Variants in SLCO4C1 observed in about 807,000 individuals in gnomAD.
SLCO4C1 encodes the protein organic anion transporter M1.
SLCO4C1 carries 58 observed loss-of-function variants against 72.1 expected under a neutral mutation model. The observed-to-expected ratio is 0.80, with a 90% CI of 0.65 to 1.00. The LOEUF is 1.00. Ranked by LOEUF, SLCO4C1 falls within the 50% of genes least tolerant of loss-of-function variation. SLCO4C1 has a pLI of 0.00. For synonymous variants in SLCO4C1, 297 were observed against 312.5 expected (o/e 0.95, Z 0.52); for missense variants, 898 against 857.9 (o/e 1.05, Z -0.58).
At position 102,281,443 on chromosome 5, in the gene SLCO4C1, C is replaced by T. The variant is rs186305608; in HGVS notation, c.619+9900G>A. Reference sequence around the variant, plus strand: ...TATAAAAGGAAAAAACTGATAAATTCGACTTTATTTAAATTGAAAATTTTC... The same window carrying T: ...TATAAAAGGAAAAAACTGATAAATTTGACTTTATTTAAATTGAAAATTTTC... On this transcript the variant is annotated intron_variant, in intron 2 of 12. Transcript: ENST00000310954. Among the ~76,000 whole-genome samples, 1,192 of 151,884 alleles carry T rather than the reference C, an allele frequency of 7.8e-3. 16 individuals carry two copies. The highest frequency in any genetic ancestry group is 0.027 in the African/African-American group (1,129 of 41,422).
chr5:102,260,184 G>GAT (rs547255445), intron 6 of SLCO4C1, 29 bp downstream of exon 6: 11,659 of 889,114 alleles, frequency 0.013, 210 homozygotes, highest in Non-Finnish European at 0.016. Context: ...ATGAGACTGA[G>GAT]AGAGAGACAG....
rs1748496394 is a variant in SLCO4C1 at position 102,239,328 on chromosome 5, T to A, written c.1937A>T (p.Asp646Val). Residue 646 changes from aspartate (D) to valine (V), a missense_variant, in exon 12 of 13, where the codon GAT becomes GTT. Asp to Val is a radical substitution (Grantham distance 152, BLOSUM62 -3). Coordinates refer to ENST00000310954, the MANE Select transcript of SLCO4C1 (RefSeq NM_180991.5). ...FTIDSTCILWDINDCGIKGAC... is the reference protein window; with the variant it reads ...FTIDSTCILWVINDCGIKGAC... The stretch of plus-strand genomic sequence containing the variant: ...TCCTTTAATTCCACAATCATTTATA[T>A]CCCAAAGAATACATGTGCTGTCTAT... The A allele has an allele frequency of 6.2e-7, 1 of 1,605,758 alleles. No homozygotes were observed. Among genetic ancestry groups the A allele is most frequent in the Non-Finnish European group, 8.5e-7 (1 of 1,176,124 alleles).
chr5:102,295,807 C>G, intron 1 of SLCO4C1, 101 bp downstream of exon 1: 1 of 1,226,708 alleles, frequency 8.2e-7, no homozygotes. Flanking sequence ...GGCGCGTCCA[C>G]CGTCCCACGG....
chr5:102,257,355 T>A, intron 7 of SLCO4C1, 45 bp from the exon 8 acceptor site: 2 of 1,394,254 alleles, frequency 1.4e-6, no homozygotes, highest in East Asian at 2.5e-5. Context: ...CATACACATA[T>A]ACTCACTCAT....
chr5:102,293,689 A>C (rs78890617), intron 1 of SLCO4C1, among the ~76,000 whole-genome samples: 1,531 of 152,288 alleles, frequency 0.01, 23 homozygotes, highest in African/African-American at 0.034. Context: ...CAGGCATTCA[A>C]ACTTAAACTG....
chr5:102,242,193 G>C (rs1053688115), intron 10 of SLCO4C1, among the ~76,000 whole-genome samples: 2 of 152,196 alleles, frequency 1.3e-5, no homozygotes, highest in Non-Finnish European at 2.9e-5. Context: ...GTCCAAACTT[G>C]AGTGCTTACA....
rs747089018 is a variant in SLCO4C1 at position 102,296,037 on chromosome 5, G to A, written c.226C>T (p.Arg76Trp). ...TCAAACTCGGACAGCGACAGTGACC[G>A]GAGCTTCTCTTCGGAGACATTGGGA... Reference protein sequence around the residue: ...APPNVSEEKLRSLSLSEFEEG... With the variant: ...APPNVSEEKLWSLSLSEFEEG... Residue 76 changes from arginine to tryptophan, a missense_variant, in exon 1 of 13, where the codon CGG becomes TGG. Transcript: ENST00000310954. 11 of 1,614,126 alleles carry A rather than the reference G, an allele frequency of 6.8e-6. No individual in the cohort carries two copies. The African/African-American group carries it at 8.0e-5, about 12-fold the overall frequency.
chr5:102,274,206 G>C (rs1038326567), intron 2 of SLCO4C1, among the ~76,000 whole-genome samples: 3 of 151,990 alleles, frequency 2.0e-5, no homozygotes, highest in South Asian at 2.1e-4. Context: ...AATCCCCCAT[G>C]GATACTGTAA....
At chr5:102,265,645 C>T (rs1406208742) in intron 3 of SLCO4C1, among the ~76,000 whole-genome samples, 1 of 152,054 alleles carries the variant, frequency 6.6e-6, no homozygotes, top group Non-Finnish European at 1.5e-5. Context: ...TTTCTGAGTT[C>T]TCTATTCTGT....
intron 2 of SLCO4C1, among the ~76,000 whole-genome samples, chr5:102,278,610 T>G (rs1324161831): frequency 6.6e-6 from 1 of 152,142 alleles, no homozygotes; most frequent in Non-Finnish European, 1.5e-5. Context: ...TTAATAAATT[T>G]TTAAAAATTC....
intron 10 of SLCO4C1, among the ~76,000 whole-genome samples, chr5:102,240,986 G>A (rs923428506): frequency 1.3e-5 from 2 of 151,898 alleles, no homozygotes; most frequent in Non-Finnish European, 2.9e-5. Context: ...CTAAAATATT[G>A]CAAATAACAC....
At chr5:102,265,015 T>A (rs1459108781) in intron 3 of SLCO4C1, among the ~76,000 whole-genome samples, 1 of 152,090 alleles carries the variant, frequency 6.6e-6, no homozygotes, top group African/African-American at 2.4e-5. Context: ...GCATTTTCTT[T>A]ATTCATCTGT....
chr5:102,291,328 A>G lies in SLCO4C1; in HGVS notation c.619+15T>C. The G allele has an allele frequency of 6.2e-7, 1 of 1,604,974 alleles. No homozygotes were observed. The highest frequency in any genetic ancestry group is 1.1e-5 in the South Asian group (1 of 89,088). On this transcript the variant is annotated intron_variant, in intron 2 of 12. Coordinates refer to ENST00000310954, the MANE Select transcript of SLCO4C1 (RefSeq NM_180991.5). ...TCTTCAGATTAAAACAAACATAAAC[A>G]CAATAGAAACTTACCTTCAAAAAGA...
In SLCO4C1 at chr5:102,296,272, G is replaced by A; in HGVS notation, c.-10C>T. ...CTTTGGCGCTCTTCATGTCTGGATGGGTTCTCCCGACTCCGGTGCTTCAGA... is the reference window on the plus strand; with the variant it reads ...CTTTGGCGCTCTTCATGTCTGGATGAGTTCTCCCGACTCCGGTGCTTCAGA... On this transcript the variant is annotated 5_prime_UTR_variant, in exon 1 of 13. Transcript: ENST00000310954. 6.6e-7 allele frequency: 1 copy of A among 1,514,188 alleles called. No homozygotes were observed. The highest frequency in any genetic ancestry group is 8.8e-7 in the Non-Finnish European group (1 of 1,130,982). 93.8% of individuals were successfully genotyped at this position (1,514,188 alleles called of 1,614,324 possible).
chr5:102,295,819 C>T (rs1022772220), intron 1 of SLCO4C1, 89 bp downstream of exon 1: 2 of 1,331,630 alleles, frequency 1.5e-6, no homozygotes, highest in Non-Finnish European at 1.0e-6. Context: ...GTCCCACGGA[C>T]CCCGCGCACC....
In SLCO4C1 at chr5:102,296,278, C is replaced by T; in HGVS notation, c.-16G>A. ...CGCTCTTCATGTCTGGATGGGTTCT[C>T]CCGACTCCGGTGCTTCAGAGCAGCA... On this transcript the variant is annotated 5_prime_UTR_variant, in exon 1 of 13. Transcript: ENST00000310954. The T allele has an allele frequency of 6.6e-7, 1 of 1,511,700 alleles. No individual in the cohort carries two copies. Among genetic ancestry groups the T allele is most frequent in the Non-Finnish European group, 8.9e-7 (1 of 1,129,538 alleles). 93.6% of individuals were successfully genotyped at this position (1,511,700 alleles called of 1,614,324 possible). A position where few individuals can be genotyped will look rare whatever the true frequency, so the allele number is the denominator to read the frequency against.
intron 10 of SLCO4C1, among the ~76,000 whole-genome samples, chr5:102,244,549 G>C (rs1370739503): frequency 3.6e-4 from 54 of 152,012 alleles, no homozygotes; most frequent in Non-Finnish European, 7.9e-4. Context: ...GGTTATAGAA[G>C]ACTAAGCAGA....
At chr5:102,282,262 C>A (rs1749371974) in intron 2 of SLCO4C1, among the ~76,000 whole-genome samples, 2 of 151,844 alleles carry the variant, frequency 1.3e-5, no homozygotes, top group African/African-American at 2.4e-5. Flanking sequence ...AAATTCAGTT[C>A]TATGAGAATG....
At chr5:102,253,512 T>A (rs1240833747) in intron 8 of SLCO4C1, among the ~76,000 whole-genome samples, 1 of 151,710 alleles carries the variant, frequency 6.6e-6, no homozygotes, top group Non-Finnish European at 1.5e-5. Flanking sequence ...GGGGCAAGTG[T>A]TGAAAAACTA....
Sources: allele counts gnomAD v4.1 joint callset (sites outside exome capture counted in the v4.1 genomes callset), GRCh38; gene constraint gnomAD v4.1.1; transcripts MANE v1.5; gene names NCBI Gene and HGNC (gene_info 2026-07-23, HGNC 2026-07-21).